GADL1: variants seen among roughly 807,000 people sequenced by gnomAD.
The protein encoded by GADL1 is GAD like acidic amino acid decarboxylase 1, also known as acidic amino acid decarboxylase GADL1.
GADL1 carries 71 observed loss-of-function variants against 69.5 expected under a neutral mutation model. The observed-to-expected ratio is 1.02, with a 90% CI of 0.84 to 1.25. The LOEUF (loss-of-function observed/expected upper bound fraction) is 1.25, where lower values mean the gene tolerates loss of function less well. GADL1 is among the 50% of genes most tolerant of loss of function. The pLI, the probability that GADL1 is intolerant of heterozygous loss-of-function variation, is 0.00. For missense variants in GADL1, 737 were observed against 631.8 expected (o/e 1.17, Z -1.79); for synonymous variants, 254 against 214.4 (o/e 1.18, Z -1.62).
At chr3:30,775,862 C>T (rs894142213) in intron 14 of GADL1, among the ~76,000 whole-genome samples, 1 of 152,068 alleles carries the variant, frequency 6.6e-6, no homozygotes, top group Non-Finnish European at 1.5e-5. Context: ...TTTGGGAGGC[C>T]GAGGCAGGTG....
intron 12 of GADL1, among the ~76,000 whole-genome samples, chr3:30,794,298 T>TG (rs1553639700): frequency 6.6e-6 from 1 of 151,652 alleles, no homozygotes; most frequent in Non-Finnish European, 1.5e-5. Context: ...TCCTGAGCTG[T>TG]TTGTTGTTGA....
chr3:30,831,955 T>A (rs998153984), intron 11 of GADL1, among the ~76,000 whole-genome samples: 1 of 151,904 alleles, frequency 6.6e-6, no homozygotes, highest in Non-Finnish European at 1.5e-5. Flanking sequence ...GATTATAAAC[T>A]CTTTGACTCT....
At chr3:30,798,528 ACAT>A (rs1697095452) in intron 12 of GADL1, 1 of 152,160 alleles carries the variant, frequency 6.6e-6, no homozygotes, top group Admixed American at 6.6e-5. Flanking sequence ...CCCGCCCACA[ACAT>A]CTGGGAATTA....
chr3:30,856,252 T>C (rs1698228645), intron 3 of GADL1, among the ~76,000 whole-genome samples: 1 of 152,108 alleles, frequency 6.6e-6, no homozygotes, highest in African/African-American at 2.4e-5. Context: ...AATGCCTGTA[T>C]GATCTTAAGC....
chr3:30,810,940 C>A (rs1448839994), intron 11 of GADL1, among the ~76,000 whole-genome samples: 1 of 152,064 alleles, frequency 6.6e-6, no homozygotes, highest in African/African-American at 2.4e-5. Flanking sequence ...TACGCATTAC[C>A]AGCTATGAAC....
At chr3:30,758,430 C>T (rs1198178455) in intron 14 of GADL1, among the ~76,000 whole-genome samples, 1 of 145,952 alleles carries the variant, frequency 6.9e-6, no homozygotes, top group Non-Finnish European at 1.5e-5. Context: ...CCCGTCTTCC[C>T]CTCTTCTCAG....
At chr3:30,820,942 A>G (rs1483705249) in intron 11 of GADL1, among the ~76,000 whole-genome samples, 2 of 151,992 alleles carry the variant, frequency 1.3e-5, no homozygotes, top group Admixed American at 6.6e-5. Flanking sequence ...ACAATGATAG[A>G]CTGGATTAAG....
At chr3:30,849,536 C>CTG (rs71914328) in intron 6 of GADL1, among the ~76,000 whole-genome samples, 5,893 of 148,910 alleles carry the variant, frequency 0.04, 291 homozygotes, top group African/African-American at 0.12. Flanking sequence ...GTGGCAATAT[C>CTG]TGTGTGTGTG....
At chr3:30,846,242 C>T (rs900225417) in intron 6 of GADL1, among the ~76,000 whole-genome samples, 2 of 152,228 alleles carry the variant, frequency 1.3e-5, no homozygotes, top group Admixed American at 6.5e-5. Flanking sequence ...CAAACAGTGG[C>T]GTTTCTATCA....
intron 1 of GADL1, among the ~76,000 whole-genome samples, chr3:30,889,084 T>TATAAAAAAAA (rs1698748582): frequency 3.3e-4 from 11 of 32,908 alleles, no homozygotes; most frequent in Non-Finnish European, 6.1e-4. Flanking sequence ...CGGTAATCTA[T>TATAAAAAAAA]AAAAAAAAAA....
chr3:30,806,971 G>C (rs568204804), intron 11 of GADL1, among the ~76,000 whole-genome samples: 1 of 152,314 alleles, frequency 6.6e-6, no homozygotes, highest in African/African-American at 2.4e-5. Flanking sequence ...ATCAGCAGAT[G>C]TGAATTCTGC....
chr3:30,841,625 C>A (rs1697967529), intron 8 of GADL1, among the ~76,000 whole-genome samples: 1 of 152,074 alleles, frequency 6.6e-6, no homozygotes, highest in African/African-American at 2.4e-5. Flanking sequence ...GAATATTTTT[C>A]TTTATAGTAG....
intron 1 of GADL1, among the ~76,000 whole-genome samples, chr3:30,873,042 A>G (rs994164390): frequency 6.6e-6 from 1 of 151,850 alleles, no homozygotes; most frequent in African/African-American, 2.4e-5. Flanking sequence ...GCTTGAGGTC[A>G]GTGTGTATAG....
At chr3:30,779,463 A>T (rs1441157246) in intron 13 of GADL1, among the ~76,000 whole-genome samples, 1 of 152,234 alleles carries the variant, frequency 6.6e-6, no homozygotes, top group Non-Finnish European at 1.5e-5. Context: ...GTAGTTTAAA[A>T]TGAAACACTG....
intron 6 of GADL1, among the ~76,000 whole-genome samples, chr3:30,849,023 C>A (rs765533248): frequency 8.5e-5 from 13 of 152,106 alleles, no homozygotes; most frequent in Non-Finnish European, 1.5e-4. Flanking sequence ...GCAGAAGTAA[C>A]AATGGCCAGT....
At chr3:30,827,287 G>T (rs911808018) in intron 11 of GADL1, among the ~76,000 whole-genome samples, 1 of 151,836 alleles carries the variant, frequency 6.6e-6, no homozygotes, top group South Asian at 2.1e-4. Context: ...CTACACAGAT[G>T]ATTCTAAGAC....
chr3:30,737,691 G>T (rs1265512221), intron 14 of GADL1, among the ~76,000 whole-genome samples: 1 of 152,024 alleles, frequency 6.6e-6, no homozygotes, highest in Admixed American at 6.6e-5. Flanking sequence ...GCATCCAAGA[G>T]ATCATTTTAG....
intron 1 of GADL1, among the ~76,000 whole-genome samples, chr3:30,874,000 T>C (rs1377606144): frequency 6.6e-6 from 1 of 151,966 alleles, no homozygotes; most frequent in Admixed American, 6.6e-5. Flanking sequence ...GTAAAACCTT[T>C]CCAAGGGGTA....
intron 14 of GADL1, among the ~76,000 whole-genome samples, chr3:30,731,607 CTG>C (rs2125468705): frequency 6.6e-6 from 1 of 152,294 alleles, no homozygotes; most frequent in South Asian, 2.1e-4. Context: ...AAGCGCATGA[CTG>C]TACTTCCATG....
Sources: gnomAD v4.1 joint callset for allele counts (sites outside exome capture counted in the v4.1 genomes callset) on GRCh38, gnomAD v4.1.1 for gene constraint, MANE v1.5 for transcripts, NCBI Gene and HGNC (gene_info 2026-07-23, HGNC 2026-07-21) for gene names.